The following C6orf89 variants were observed in gnomAD, a reference collection of about 807,000 sequenced individuals.
C6orf89 encodes chromosome 6 open reading frame 89.
C6orf89 carries 29 observed loss-of-function variants against 40.7 expected under a neutral mutation model. The ratio of observed to expected loss-of-function variants is 0.71; its 90% CI spans 0.53 to 0.97. The LOEUF is 0.97. Ranked by LOEUF, C6orf89 falls within the 50% of genes least tolerant of loss-of-function variation. C6orf89 has a pLI of 0.00. For synonymous variants in C6orf89, 165 were observed against 152.2 expected, an observed-to-expected ratio of 1.08 and a Z score of -0.62; for missense variants, 392 against 429.1, an observed-to-expected ratio of 0.91 and a Z score of 0.76.
intron 7 of C6orf89, among the ~76,000 whole-genome samples, chr6:36,917,807 G>C (rs112021547): frequency 6.6e-6 from 1 of 151,984 alleles, no homozygotes; most frequent in Non-Finnish European, 1.5e-5. Flanking sequence ...CTGGGACACG[G>C]CTTTATCTTT....
rs1727076483 is a variant in C6orf89, at chr6:36,914,565, C to G, written c.567C>G (p.Pro189=). 1 of 1,614,126 alleles carries G rather than the reference C, an allele frequency of 6.2e-7. No homozygotes were observed. Among genetic ancestry groups the G allele is most frequent in the African/African-American group, 1.3e-5 (1 of 75,056 alleles). The part of the protein sequence containing the change: ...LHPLVIKTGK[P]LLEEEIQHFL... ...CCTGCCTTGCCAAGACGGGAAAGCC[C>G]CTGTTGGAGGAAGAGATTCAGCATT... Residue 189 remains proline (P), a synonymous_variant, in exon 6 of 9, where the codon CCC becomes CCG. Transcript: ENST00000480824.
intron 7 of C6orf89, 142 bp from the exon 8 acceptor site, chr6:36,919,436 T>C: frequency 9.8e-7 from 1 of 1,022,066 alleles, no homozygotes; most frequent in Non-Finnish European, 1.4e-6. Context: ...AATTGCAAAT[T>C]TTTGTTATTG....
At chr6:36,908,905 C>A (rs73420339) in intron 4 of C6orf89, among the ~76,000 whole-genome samples, 2,011 of 152,258 alleles carry the variant, frequency 0.013, 53 homozygotes, top group African/African-American at 0.046. Context: ...TTTATCTTCA[C>A]GTGGCCATCT....
chr6:36,887,539 G>A (rs2150676663), intron 1 of C6orf89, among the ~76,000 whole-genome samples: 1 of 152,322 alleles, frequency 6.6e-6, no homozygotes, highest in South Asian at 2.1e-4. Context: ...GAGTCTTAAA[G>A]AGTTCACTTA....
chr6:36,919,880 A>AT (rs1491549423), intron 8 of C6orf89, among the ~76,000 whole-genome samples, 179 bp downstream of exon 8: 2 of 152,278 alleles, frequency 1.3e-5, no homozygotes, highest in African/African-American at 4.8e-5. Flanking sequence ...ATGAGAAAAC[A>AT]TAGCAGAAAG....
chr6:36,903,225 TTGTGTG>T (rs10597547), intron 4 of C6orf89, among the ~76,000 whole-genome samples: 9 of 150,196 alleles, frequency 6.0e-5, no homozygotes, highest in Non-Finnish European at 1.2e-4. Flanking sequence ...GCCTCCAATT[TTGTGTG>T]TGTGTGTGTG....
chr6:36,877,620 C>G (rs568721889), intron 1 of C6orf89, among the ~76,000 whole-genome samples: 1 of 152,212 alleles, frequency 6.6e-6, no homozygotes. Flanking sequence ...TGAGCCACCA[C>G]GCCTGGCCAG....
chr6:36,927,923 A>G lies in C6orf89; in HGVS notation c.*4482A>G, dbSNP rs1232330153. 1 of 152,256 alleles carries G rather than the reference A, an allele frequency of 6.6e-6. No homozygotes were observed. Among genetic ancestry groups the G allele is most frequent in the Admixed American group, 6.5e-5 (1 of 15,276 alleles). The allele number at this position is 152,256 out of a possible 1,614,324, so 9.4% of individuals were successfully genotyped here. ...ACAGGTGCTCTCCTTCTCGTGCACCACATCCAAGTCCACCCACCGTGGACG... is the reference window on the plus strand; with the variant it reads ...ACAGGTGCTCTCCTTCTCGTGCACCGCATCCAAGTCCACCCACCGTGGACG... On this transcript the variant is annotated 3_prime_UTR_variant, in exon 9 of 9. Transcript: ENST00000480824.
intron 3 of C6orf89, among the ~76,000 whole-genome samples, chr6:36,900,753 C>T (rs1164370296): frequency 6.6e-6 from 1 of 152,014 alleles, no homozygotes; most frequent in Non-Finnish European, 1.5e-5. Context: ...TGAGTCCAGT[C>T]AATCACTGTC....
chr6:36,899,676 A>C (rs773385774), intron 3 of C6orf89, 43 bp downstream of exon 3: 1 of 1,560,450 alleles, frequency 6.4e-7, no homozygotes, highest in Non-Finnish European at 8.8e-7. Flanking sequence ...ACAGAACACA[A>C]ACTGTTCAAC....
At position 36,914,363 on chromosome 6, in the gene C6orf89, G is replaced by A. The variant is rs1218166880; in HGVS notation, c.483G>A (p.Gln161=). The part of the protein sequence containing the change: ...PIPANCTGCA[Q]KHLKVMLLED... ...CTGCCAACTGCACTGGCTGTGCCCA[G>A]AAACACCTGAAGGTGATGCTCCTGG... Residue 161 remains glutamine, a synonymous_variant, in exon 5 of 9, where the codon CAG becomes CAA. Transcript: ENST00000480824. 6.2e-7 allele frequency: 1 copy of A among 1,614,072 alleles called. No individual in the cohort carries two copies. Among genetic ancestry groups the A allele is most frequent in the African/African-American group, 1.3e-5 (1 of 74,922 alleles).
rs1561860311 is a variant in C6orf89 at position 36,893,187 on chromosome 6, GC to G, written c.-119-1315del. ...CTGACCTCGTGATCTGCCCGCCTCGGCCTCCCAAAGTGCTGGGATTACAGGC... is the reference window on the plus strand; with the variant it reads ...CTGACCTCGTGATCTGCCCGCCTCGGCTCCCAAAGTGCTGGGATTACAGGC... On this transcript the variant is annotated intron_variant, in intron 1 of 8. Transcript: ENST00000480824. 1.6e-4 allele frequency among the ~76,000 whole-genome samples: 24 copies of G among 152,120 alleles called. 1 individual carries two copies. Among genetic ancestry groups the G allele is most frequent in the Admixed American group, 1.2e-3 (18 of 15,286 alleles).
chr6:36,916,714 C>T (rs2293394), intron 7 of C6orf89, 140 bp downstream of exon 7: 303,014 of 969,826 alleles, frequency 0.31, 49,156 homozygotes, highest in African/African-American at 0.39. Context: ...GTCTAGTTCT[C>T]CCCTCCTGCT....
chr6:36,919,399 A>G (rs1041271297), intron 7 of C6orf89, among the ~76,000 whole-genome samples, 179 bp from the exon 8 acceptor site: 9 of 152,204 alleles, frequency 5.9e-5, no homozygotes, highest in African/African-American at 1.9e-4. Flanking sequence ...CTTAGGAGAA[A>G]GTAGTTTGTT....
rs1762446867 is a variant in C6orf89 at position 36,919,669 on chromosome 6, C to A, written c.917C>A (p.Ser306Tyr). ...PPFQCRRHCQ[S>Y]VAMPIEPGDI... is the part of the protein sequence containing the mutation. The stretch of plus-strand genomic sequence containing the variant: ...TTCCAGTGCCGAAGACATTGTCAGT[C>A]TGTGGCCATGCCAATAGAGCCAGGG... Residue 306 changes from serine to tyrosine, a missense_variant, in exon 8 of 9, where the codon TCT becomes TAT. Coordinates refer to ENST00000480824, the MANE Select transcript of C6orf89 (RefSeq NM_001286635.2). 3.7e-6 allele frequency: 6 copies of A among 1,614,094 alleles called. No individual in the cohort carries two copies. The highest frequency in any genetic ancestry group is 5.1e-6 in the Non-Finnish European group (6 of 1,179,950).
At chr6:36,910,397 G>A (rs1416573399) in intron 4 of C6orf89, among the ~76,000 whole-genome samples, 1 of 151,994 alleles carries the variant, frequency 6.6e-6, no homozygotes, top group Non-Finnish European at 1.5e-5. Flanking sequence ...TTGATTTATT[G>A]AATCTACCCT....
Position 36,923,402 on chromosome 6 carries a change from T to G in C6orf89, c.1005T>G (p.Pro335=). ...ACGTTATAGCCAGAGGGGTCCAGCC[T>G]TTGGTCATCTGCGATGGAACCGCTT... is the stretch of plus-strand genomic sequence containing the variant. ...KVYVIARGVQ[P]LVICDGTAFS... Residue 335 remains proline (P), a synonymous_variant, in exon 9 of 9, where the codon CCT becomes CCG. Coordinates refer to ENST00000480824, the MANE Select transcript of C6orf89 (RefSeq NM_001286635.2). 6.2e-7 allele frequency: 1 copy of G among 1,614,146 alleles called. No individual in the cohort carries two copies. The highest frequency in any genetic ancestry group is 8.5e-7 in the Non-Finnish European group (1 of 1,179,984).
chr6:36,885,672 T>C (rs572595205), upstream of C6orf89, among the ~76,000 whole-genome samples: 6 of 152,312 alleles, frequency 3.9e-5, no homozygotes, highest in Non-Finnish European at 8.8e-5. Flanking sequence ...CAGTAAATGC[T>C]TGTTCTATGG....
Position 36,925,078 on chromosome 6 carries a change from A to T in C6orf89, c.*1637A>T, listed in dbSNP as rs907017977. The T allele has an allele frequency of 6.6e-6, 1 of 152,152 alleles. No individual in the cohort carries two copies. Among genetic ancestry groups the T allele is most frequent in the Non-Finnish European group, 1.5e-5 (1 of 68,024 alleles). The allele number at this position is 152,152 out of a possible 1,614,324, so 9.4% of individuals were successfully genotyped here. A position where few individuals can be genotyped will look rare whatever the true frequency, so the allele number is the denominator to read the frequency against. On this transcript the variant is annotated 3_prime_UTR_variant, in exon 9 of 9. Transcript: ENST00000480824. ...ACCTGAGGGAATTTTTTCTTAATCA[A>T]CCCCTTGTGTGGATGAATACAGGAA...
Sources: allele counts gnomAD v4.1 joint callset (sites outside exome capture counted in the v4.1 genomes callset), GRCh38; gene constraint gnomAD v4.1.1; transcripts MANE v1.5; gene names NCBI Gene and HGNC (gene_info 2026-07-23, HGNC 2026-07-21).